The following ME1 variants were observed in gnomAD, a reference collection of about 807,000 sequenced individuals.
ME1 encodes the protein NADP-dependent malic enzyme.
Under a neutral mutation model 66.4 loss-of-function variants are expected in ME1, and 74 were observed. The observed-to-expected ratio is 1.11, with a 90% CI of 0.92 to 1.35. The LOEUF (loss-of-function observed/expected upper bound fraction) is 1.35, where lower values mean the gene tolerates loss of function less well. Ranked by LOEUF, ME1 falls within the 40% of genes most tolerant of loss-of-function variation. ME1 has a pLI of 0.00. For missense variants in ME1, 750 were observed against 694.1 expected, an observed-to-expected ratio of 1.08 and a Z score of -0.90; for synonymous variants, 251 against 235.6, an observed-to-expected ratio of 1.07 and a Z score of -0.60.
At chr6:83,228,074 C>A (rs940149384) in intron 10 of ME1, among the ~76,000 whole-genome samples, 14 of 152,068 alleles carry the variant, frequency 9.2e-5, no homozygotes, top group Non-Finnish European at 7.4e-5. Context: ...TTATTTTCAA[C>A]GTTGTCATCT....
intron 3 of ME1, among the ~76,000 whole-genome samples, chr6:83,394,133 C>A (rs1769684847): frequency 6.6e-6 from 1 of 151,572 alleles, no homozygotes; most frequent in African/African-American, 2.4e-5. Context: ...CTTTGCAATA[C>A]AATTAACAGT....
Position 83,333,046 on chromosome 6 carries a change from G to A in ME1, c.600+13127C>T, listed in dbSNP as rs891602831. On this transcript the variant is annotated intron_variant, in intron 5 of 13. Coordinates refer to ENST00000369705, the MANE Select transcript of ME1 (RefSeq NM_002395.6). ...AGCAGTCAGGCAAGTGTATCTTTAT[G>A]GCAAGTGAAGACTGTCTTATTAACT... 5.3e-5 allele frequency among the ~76,000 whole-genome samples: 8 copies of A among 152,136 alleles called. No individual in the cohort carries two copies. The South Asian group carries it at 1.4e-3, about 28-fold the overall frequency.
intron 4 of ME1, among the ~76,000 whole-genome samples, chr6:83,347,142 C>T (rs1426552556): frequency 1.3e-5 from 2 of 151,938 alleles, no homozygotes; most frequent in East Asian, 3.9e-4. Flanking sequence ...TTAGTAGAGA[C>T]AGGGTTTCAC....
intron 6 of ME1, among the ~76,000 whole-genome samples, chr6:83,265,548 G>T (rs1471905184): frequency 1.3e-5 from 2 of 152,012 alleles, no homozygotes; most frequent in Admixed American, 6.6e-5. Context: ...CTATTCACCC[G>T]CCTTAGCCTC....
chr6:83,307,816 G>C (rs1212904787), intron 6 of ME1, among the ~76,000 whole-genome samples: 1 of 152,046 alleles, frequency 6.6e-6, no homozygotes, highest in African/African-American at 2.4e-5. Flanking sequence ...CCCTGAATAA[G>C]GGTGAAGAGC....
At chr6:83,309,567 TG>T (rs1366574685) in intron 6 of ME1, among the ~76,000 whole-genome samples, 1 of 152,086 alleles carries the variant, frequency 6.6e-6, no homozygotes, top group Non-Finnish European at 1.5e-5. Context: ...AGTCTGGACA[TG>T]TTACATATGC....
chr6:83,406,760 T>A (rs1192205674), intron 2 of ME1, among the ~76,000 whole-genome samples: 1 of 152,080 alleles, frequency 6.6e-6, no homozygotes, highest in African/African-American at 2.4e-5. Context: ...AAAATATGGG[T>A]GGGCCTCCTC....
chr6:83,300,895 A>G (rs796772968), intron 6 of ME1, among the ~76,000 whole-genome samples: 13 of 152,284 alleles, frequency 8.5e-5, no homozygotes, highest in African/African-American at 3.1e-4. Context: ...CGTCCTTTGT[A>G]GAGACATGGA....
In ME1 at chr6:83,373,855, C is replaced by T. The variant is rs545981132; in HGVS notation, c.363-21716G>A. ...ACTCCTACTTATAAATGAGAATATG[C>T]GGTGTTTGGTTTTCTGTTCCTGTGT... is the stretch of plus-strand genomic sequence containing the variant. On this transcript the variant is annotated intron_variant, in intron 3 of 13. Coordinates refer to ENST00000369705, the MANE Select transcript of ME1 (RefSeq NM_002395.6). Among the ~76,000 whole-genome samples the T allele has an allele frequency of 1.6e-4, 25 of 152,160 alleles. No individual in the cohort carries two copies. In the East Asian group the frequency reaches 3.3e-3, roughly 20 times the overall value.
intron 3 of ME1, among the ~76,000 whole-genome samples, chr6:83,362,540 C>T (rs147999152): frequency 3.9e-5 from 6 of 152,296 alleles, no homozygotes; most frequent in South Asian, 2.1e-4. Flanking sequence ...CATGTACTTC[C>T]GCTCACCAAG....
chr6:83,215,114 T>A (rs1789965505), intron 13 of ME1, among the ~76,000 whole-genome samples: 2 of 152,172 alleles, frequency 1.3e-5, no homozygotes, highest in Non-Finnish European at 2.9e-5. Context: ...CCAAGCAGAT[T>A]ATTATGTAAA....
At position 83,228,872 on chromosome 6, in the gene ME1, C is replaced by T; in HGVS notation, c.1086G>A (p.Lys362=). ...EKFAHEHEEM[K]NLEAIVQEIK... ...TTTCTTGAACAATGGCTTCTAGGTT[C>T]TTCATTTCTTCATGTTCATGGGCAA... The change falls in exon 10 of 14, where the codon AAG becomes AAA. Residue 362 remains lysine (K), a synonymous_variant. Transcript: ENST00000369705. 1 of 1,613,284 alleles carries T rather than the reference C, an allele frequency of 6.2e-7. No homozygotes were observed. The highest frequency in any genetic ancestry group is 8.5e-7 in the Non-Finnish European group (1 of 1,179,784).
chr6:83,211,989 T>A lies in ME1; in HGVS notation c.1654A>T (p.Ile552Phe). 1.9e-6 allele frequency: 3 copies of A among 1,611,194 alleles called. No individual in the cohort carries two copies. The highest frequency in any genetic ancestry group is 2.5e-6 in the Non-Finnish European group (3 of 1,178,238). The change falls in exon 14 of 14, where the codon ATT becomes TTT. Residue 552 changes from isoleucine (I) to phenylalanine (F), a missense_variant. Coordinates refer to ENST00000369705, the MANE Select transcript of ME1 (RefSeq NM_002395.6). The part of the protein sequence containing the change: ...SQMYSTDYDQ[I>F]LPDCYSWPEE... Reference sequence around the variant, plus strand: ...GGCCAAGAATAACAATCAGGTAGAATCTGGTCATAATCAGTACTATACATC... The same window carrying A: ...GGCCAAGAATAACAATCAGGTAGAAACTGGTCATAATCAGTACTATACATC...
chr6:83,237,577 G>T, intron 9 of ME1, 140 bp downstream of exon 9: 1 of 500,704 alleles, frequency 2.0e-6, no homozygotes, highest in Non-Finnish European at 3.5e-6. Context: ...TCAGTATTCT[G>T]TATGACATGA....
In ME1 at chr6:83,264,614, A is replaced by C. The variant is rs572937671; in HGVS notation, c.705-10876T>G. Among the ~76,000 whole-genome samples, 150 of 152,320 alleles carry C rather than the reference A, an allele frequency of 9.8e-4. 1 individual carries two copies. The South Asian group carries it at 0.011, about 11-fold the overall frequency. On this transcript the variant is annotated intron_variant, in intron 6 of 13. Transcript: ENST00000369705. ...TGGGAGTTTGGAAGAAGCTAATTCC[A>C]ACCCTCATGGATGACTTTGAGGGGT...
chr6:83,225,611 A>G (rs1790181287), intron 11 of ME1, among the ~76,000 whole-genome samples: 1 of 152,120 alleles, frequency 6.6e-6, no homozygotes, highest in African/African-American at 2.4e-5. Context: ...GAGGCAGAAA[A>G]ACAAATTCTC....
chr6:83,408,264 T>A (rs1769984550), intron 1 of ME1, among the ~76,000 whole-genome samples: 1 of 152,230 alleles, frequency 6.6e-6, no homozygotes, highest in South Asian at 2.1e-4. Flanking sequence ...TTTAAAATTA[T>A]GAATGTGAGT....
intron 3 of ME1, chr6:83,392,580 A>G (rs1769642349): frequency 1.1e-5 from 6 of 563,000 alleles, no homozygotes; most frequent in Non-Finnish European, 1.7e-5. Flanking sequence ...CCCATGGCAA[A>G]TTCCACGGCA....
At chr6:83,356,750 T>A (rs538422797) in intron 3 of ME1, among the ~76,000 whole-genome samples, 1 of 70,862 alleles carries the variant, frequency 1.4e-5, no homozygotes, top group Non-Finnish European at 3.2e-5. Flanking sequence ...ATAAAATTGT[T>A]TTTTTTTCCT....
Sources: allele counts gnomAD v4.1 joint callset (sites outside exome capture counted in the v4.1 genomes callset), GRCh38; gene constraint gnomAD v4.1.1; transcripts MANE v1.5; gene names NCBI Gene and HGNC (gene_info 2026-07-23, HGNC 2026-07-21).